The following CNTNAP5 variants were observed in gnomAD, a reference collection of about 807,000 sequenced individuals.
CNTNAP5 encodes the protein contactin-associated protein-like 5.
CNTNAP5 carries 72 observed loss-of-function variants against 150.2 expected under a neutral mutation model. The observed-to-expected ratio is 0.48, with a 90% CI of 0.40 to 0.58. The LOEUF (loss-of-function observed/expected upper bound fraction) is 0.58. Among genes scored for constraint, CNTNAP5 ranks in the 20% least tolerant of loss-of-function variants. The pLI is 0.00. For synonymous variants in CNTNAP5, 672 were observed against 619.8 expected (o/e 1.08, Z -1.25); for missense variants, 1,636 against 1,626.2 (o/e 1.01, Z -0.10).
At chr2:124,695,431 A>C (rs2105083787) in intron 13 of CNTNAP5, among the ~76,000 whole-genome samples, 1 of 152,282 alleles carries the variant, frequency 6.6e-6, no homozygotes, top group Non-Finnish European at 1.5e-5. Context: ...CAATTCACAA[A>C]ATTTCTGAAT....
At chr2:124,127,696 T>C (rs989667671) in intron 1 of CNTNAP5, among the ~76,000 whole-genome samples, 3 of 152,194 alleles carry the variant, frequency 2.0e-5, no homozygotes, top group Admixed American at 6.5e-5. Context: ...AGCATGGTAC[T>C]GGTACCAAAA....
chr2:124,244,715 G>T (rs919078860), intron 3 of CNTNAP5, among the ~76,000 whole-genome samples: 2 of 152,146 alleles, frequency 1.3e-5, no homozygotes, highest in African/African-American at 2.4e-5. Flanking sequence ...GACCGGTCAT[G>T]TACAGTAACT....
intron 3 of CNTNAP5, among the ~76,000 whole-genome samples, chr2:124,348,934 T>A (rs576810066): frequency 1.4e-4 from 22 of 152,288 alleles, no homozygotes; most frequent in African/African-American, 5.3e-4. Flanking sequence ...AATACATATA[T>A]AACATTAATA....
chr2:124,183,770 A>G (rs74543327), intron 1 of CNTNAP5, among the ~76,000 whole-genome samples: 2,650 of 152,296 alleles, frequency 0.017, 98 homozygotes, highest in African/African-American at 0.061. Flanking sequence ...AATCTCTCAA[A>G]GGCTGGGAGT....
At chr2:124,696,023 C>T (rs1339251034) in intron 13 of CNTNAP5, among the ~76,000 whole-genome samples, 1 of 152,108 alleles carries the variant, frequency 6.6e-6, no homozygotes, top group African/African-American at 2.4e-5. Context: ...GAATGTCAAC[C>T]TGGAGAAGAA....
chr2:124,217,881 T>C (rs905170528), intron 1 of CNTNAP5, among the ~76,000 whole-genome samples: 2 of 152,120 alleles, frequency 1.3e-5, no homozygotes, highest in African/African-American at 4.8e-5. Context: ...AAATGACTAT[T>C]TTGCAGACAG....
chr2:124,419,970 C>T (rs62172568), intron 4 of CNTNAP5, among the ~76,000 whole-genome samples: 3,589 of 62,422 alleles, frequency 0.057, 223 homozygotes, highest in African/African-American at 0.1. Flanking sequence ...TTCTCTCTCT[C>T]TCTTTCTTTC....
intron 1 of CNTNAP5, among the ~76,000 whole-genome samples, chr2:124,084,927 T>TTTTTTTTTTTTG (rs1682647691): frequency 7.8e-6 from 1 of 128,970 alleles, no homozygotes; most frequent in Non-Finnish European, 1.6e-5. Context: ...GTTTCCTGTT[T>TTTTTTTTTTTTG]TTTTTTTTTT....
intron 12 of CNTNAP5, among the ~76,000 whole-genome samples, chr2:124,634,669 G>A (rs1008047240): frequency 6.6e-6 from 1 of 151,972 alleles, no homozygotes; most frequent in Non-Finnish European, 1.5e-5. Context: ...TACCATGCCT[G>A]GCTAATTTTT....
chr2:124,123,908 A>G (rs1683626302), intron 1 of CNTNAP5, among the ~76,000 whole-genome samples: 1 of 152,210 alleles, frequency 6.6e-6, no homozygotes, highest in Non-Finnish European at 1.5e-5. Flanking sequence ...TCTGTGTGTC[A>G]CCATCATCAA....
rs1023788590 is a variant in CNTNAP5, at chr2:124,640,952, C to G, written c.1877-6806C>G. Among the ~76,000 whole-genome samples the G allele has an allele frequency of 7.2e-5, 11 of 151,770 alleles. No individual in the cohort carries two copies. The South Asian group carries it at 1.5e-3, about 20-fold the overall frequency. ...ACCAGCCTAACCAACCTGGAAAAAC[C>G]CTGTCTGTACTAAAAAATACAAAAT... On this transcript the variant is annotated intron_variant, in intron 12 of 23. Coordinates refer to ENST00000682447, the MANE Select transcript of CNTNAP5 (RefSeq NM_001367498.1).
intron 8 of CNTNAP5, 143 bp downstream of exon 8, chr2:124,504,699 C>A (rs1408013322): frequency 4.8e-6 from 3 of 628,642 alleles, no homozygotes; most frequent in African/African-American, 1.9e-5. Context: ...TCTGAAGAGG[C>A]AGCATTTTTT....
intron 1 of CNTNAP5, among the ~76,000 whole-genome samples, chr2:124,087,653 C>T (rs191228950): frequency 7.9e-5 from 12 of 151,802 alleles, no homozygotes; most frequent in South Asian, 2.1e-4. Context: ...ATCTGGGAGG[C>T]GGAGGTTACA....
chr2:124,203,536 T>C (rs886208172), intron 1 of CNTNAP5, among the ~76,000 whole-genome samples: 1 of 152,152 alleles, frequency 6.6e-6, no homozygotes, highest in Non-Finnish European at 1.5e-5. Context: ...TAGCAGAAGT[T>C]CTCCATGAGG....
At chr2:124,091,644 A>G (rs1397305186) in intron 1 of CNTNAP5, among the ~76,000 whole-genome samples, 1 of 152,188 alleles carries the variant, frequency 6.6e-6, no homozygotes, top group Non-Finnish European at 1.5e-5. Flanking sequence ...AAAGGAAAAG[A>G]AAGCACAGGT....
chr2:124,551,858 A>G (rs1695634097), intron 10 of CNTNAP5, among the ~76,000 whole-genome samples: 1 of 152,148 alleles, frequency 6.6e-6, no homozygotes, highest in Non-Finnish European at 1.5e-5. Context: ...GTAGGTTTTT[A>G]TTTAAGTACA....
chr2:124,091,230 G>A (rs973228941), intron 1 of CNTNAP5, among the ~76,000 whole-genome samples: 1 of 152,108 alleles, frequency 6.6e-6, no homozygotes, highest in African/African-American at 2.4e-5. Flanking sequence ...GAAGAAGAAC[G>A]GATCAGTATA....
At chr2:124,690,401 G>C (rs1679277150) in intron 13 of CNTNAP5, among the ~76,000 whole-genome samples, 1 of 152,024 alleles carries the variant, frequency 6.6e-6, no homozygotes, top group African/African-American at 2.4e-5. Context: ...TGAATATACA[G>C]ACAATATTCA....
At chr2:124,473,826 T>C (rs941517355) in intron 6 of CNTNAP5, among the ~76,000 whole-genome samples, 1 of 152,086 alleles carries the variant, frequency 6.6e-6, no homozygotes, top group Non-Finnish European at 1.5e-5. Context: ...GCCGCCTTGC[T>C]TTTAAAATAA....
Sources: allele counts gnomAD v4.1 joint callset (sites outside exome capture counted in the v4.1 genomes callset), GRCh38; gene constraint gnomAD v4.1.1; transcripts MANE v1.5; gene names NCBI Gene and HGNC (gene_info 2026-07-23, HGNC 2026-07-21).